The following STIM1 variants were observed in gnomAD, a reference collection of about 807,000 sequenced individuals.
STIM1 encodes stromal interaction molecule 1.
STIM1 carries 25 observed loss-of-function variants against 74.7 expected under a neutral mutation model. The observed-to-expected ratio is 0.33, with a 90% CI of 0.24 to 0.47. The LOEUF is 0.47. Ranked by LOEUF, STIM1 falls within the 20% of genes least tolerant of loss-of-function variation. The probability of loss-of-function intolerance (pLI) is 1.00; values close to 1 mark genes in which losing one functional copy is unlikely to be tolerated. For synonymous variants in STIM1, 328 were observed against 348.8 expected (o/e 0.94, Z 0.66); for missense variants, 728 against 920.8 (o/e 0.79, Z 2.71).
At chr11:4,064,286 G>T (rs1020474374) in intron 5 of STIM1, among the ~76,000 whole-genome samples, 1 of 152,196 alleles carries the variant, frequency 6.6e-6, no homozygotes, top group Non-Finnish European at 1.5e-5. Context: ...GGACATGCCT[G>T]CTGGGTGTTT....
intron 1 of STIM1, among the ~76,000 whole-genome samples, chr11:3,963,184 C>G (rs2093305670): frequency 6.6e-6 from 1 of 152,170 alleles, no homozygotes; most frequent in African/African-American, 2.4e-5. Context: ...TTTCATCACC[C>G]AGGTATTAAT....
intron 12 of STIM1, among the ~76,000 whole-genome samples, chr11:4,087,977 A>C (rs2094503232): frequency 6.6e-6 from 1 of 152,024 alleles, no homozygotes; most frequent in East Asian, 1.9e-4. Context: ...AAGGTTCTAA[A>C]AGGGTAAGTA....
chr11:3,866,660 T>TG (rs1327369132), intron 1 of STIM1, among the ~76,000 whole-genome samples: 1 of 151,968 alleles, frequency 6.6e-6, no homozygotes, highest in Admixed American at 6.6e-5. Flanking sequence ...CTCCTGACCT[T>TG]GCGATCCGCC....
intron 1 of STIM1, among the ~76,000 whole-genome samples, chr11:3,957,462 TTGGCCAGGC>T (rs1186718075): frequency 1.3e-5 from 2 of 152,192 alleles, no homozygotes; most frequent in East Asian, 3.9e-4. Context: ...TTTCACCATG[TTGGCCAGGC>T]TGGTCTCAAA....
intron 1 of STIM1, among the ~76,000 whole-genome samples, chr11:3,950,737 T>G (rs2093136288): frequency 1.3e-5 from 2 of 152,186 alleles, no homozygotes; most frequent in Non-Finnish European, 2.9e-5. Flanking sequence ...GGGATCTTCC[T>G]GCCTCAGCCT....
At chr11:3,998,311 G>C (rs924449588) in intron 2 of STIM1, among the ~76,000 whole-genome samples, 1 of 152,188 alleles carries the variant, frequency 6.6e-6, no homozygotes, top group Non-Finnish European at 1.5e-5. Flanking sequence ...AAACTCTAAA[G>C]TATCATGTTA....
chr11:4,059,351 C>G lies in STIM1; in HGVS notation c.568C>G (p.Leu190Val). 6.2e-7 allele frequency: 1 copy of G among 1,614,098 alleles called. No individual in the cohort carries two copies. The highest frequency in any genetic ancestry group is 1.1e-5 in the South Asian group (1 of 91,076). ...GACAGACCGGAGTCATCGGCAGAAG[C>G]TGCAGCTGAAGGCTCTGGATACAGT... The part of the protein sequence containing the change: ...KMTDRSHRQK[L>V]QLKALDTVLF... The change falls in exon 5 of 13, where the codon CTG becomes GTG. Residue 190 changes from leucine to valine, a missense_variant. Coordinates refer to ENST00000526596, the MANE Select transcript of STIM1 (RefSeq NM_001382567.1).
In STIM1 at chr11:4,010,271, A is replaced by G. The variant is rs140891040; in HGVS notation, c.271-13602A>G. Among the ~76,000 whole-genome samples the G allele has an allele frequency of 2.4e-3, 370 of 151,626 alleles. 1 individual carries two copies. Among genetic ancestry groups the G allele is most frequent in the African/African-American group, 8.3e-3 (343 of 41,326 alleles). ...CTACAACCTCCGCCTTCCAGGTTTA[A>G]GCAATTGTTGTGCCTCAGCCTCCCA... On this transcript the variant is annotated intron_variant, in intron 2 of 12. Transcript: ENST00000526596.
intron 1 of STIM1, among the ~76,000 whole-genome samples, chr11:3,873,743 T>C (rs1026620039): frequency 1.3e-5 from 2 of 152,168 alleles, no homozygotes; most frequent in African/African-American, 4.8e-5. Flanking sequence ...GGCATACTTA[T>C]GCTGCTTCTG....
At chr11:4,008,037 T>G (rs1270211261) in intron 2 of STIM1, among the ~76,000 whole-genome samples, 1 of 152,152 alleles carries the variant, frequency 6.6e-6, no homozygotes, top group African/African-American at 2.4e-5. Context: ...ATAATATGAA[T>G]TATACATATT....
chr11:3,967,768 G>A, intron 2 of STIM1, 86 bp downstream of exon 2: 1 of 1,577,992 alleles, frequency 6.3e-7, no homozygotes, highest in Non-Finnish European at 8.7e-7. Context: ...CTTCCCTGGG[G>A]AGAGATGTTC....
rs1247101359 is a variant in STIM1 at position 3,895,666 on chromosome 11, CTT to C, written c.139+39259_139+39260del. On this transcript the variant is annotated intron_variant, in intron 1 of 12. Coordinates refer to ENST00000526596, the MANE Select transcript of STIM1 (RefSeq NM_001382567.1). ...TCTTTCTTTCTTTCTTTCTTTCTTT[CTT>C]TCTTTCCTTCCTTCCTTCTTTCTTT... Among the ~76,000 whole-genome samples the C allele has an allele frequency of 4.8e-4, 20 of 41,742 alleles. 1 individual carries two copies. Among genetic ancestry groups the C allele is most frequent in the African/African-American group, 2.8e-3 (18 of 6,462 alleles). The allele number at this position is 41,742 out of a possible 152,430, so 27.4% of individuals were successfully genotyped here. A position where few individuals can be genotyped will look rare whatever the true frequency, so the allele number is the denominator to read the frequency against.
chr11:4,017,470 C>G (rs1209712609), intron 2 of STIM1, among the ~76,000 whole-genome samples: 1 of 152,162 alleles, frequency 6.6e-6, no homozygotes, highest in Non-Finnish European at 1.5e-5. Context: ...TCTCTGCTCT[C>G]CACTTACCTC....
chr11:4,015,104 G>C (rs1363136880), intron 2 of STIM1, among the ~76,000 whole-genome samples: 1 of 152,148 alleles, frequency 6.6e-6, no homozygotes, highest in East Asian at 1.9e-4. Context: ...GATGCTAGCT[G>C]GTTATTTTGC....
At chr11:3,927,211 G>A (rs1323815049) in intron 1 of STIM1, among the ~76,000 whole-genome samples, 5 of 152,060 alleles carry the variant, frequency 3.3e-5, no homozygotes, top group Non-Finnish European at 5.9e-5. Context: ...ATTTATCTTT[G>A]AGCAGACTTA....
intron 1 of STIM1, among the ~76,000 whole-genome samples, chr11:3,922,158 G>T (rs1262869037): frequency 6.6e-6 from 1 of 152,048 alleles, no homozygotes; most frequent in East Asian, 1.9e-4. Context: ...AATTCTAGTT[G>T]TCTGACCTTC....
At chr11:4,022,257 G>T (rs530573884) in intron 2 of STIM1, among the ~76,000 whole-genome samples, 2 of 149,406 alleles carry the variant, frequency 1.3e-5, no homozygotes, top group Admixed American at 6.7e-5. Flanking sequence ...ATCTCTTGAG[G>T]CCCAGGAGGT....
At chr11:3,925,905 A>G (rs2135541475) in intron 1 of STIM1, among the ~76,000 whole-genome samples, 1 of 152,288 alleles carries the variant, frequency 6.6e-6, no homozygotes. Context: ...GTTTATTGTT[A>G]ATAATAAATT....
intron 1 of STIM1, among the ~76,000 whole-genome samples, chr11:3,947,949 T>TC (rs145970705): frequency 0.031 from 4,664 of 152,324 alleles, 185 homozygotes; most frequent in East Asian, 0.18. Context: ...ATGTTCATCC[T>TC]CCCTTTCTCC....
Sources: gnomAD v4.1 joint callset for allele counts (sites outside exome capture counted in the v4.1 genomes callset) on GRCh38, gnomAD v4.1.1 for gene constraint, MANE v1.5 for transcripts, NCBI Gene and HGNC (gene_info 2026-07-23, HGNC 2026-07-21) for gene names.